NUDT3: variants seen among roughly 807,000 people sequenced by gnomAD.
NUDT3 encodes the protein diphosphoinositol polyphosphate phosphohydrolase 1.
NUDT3 carries 9 observed loss-of-function variants against 23.6 expected under a neutral mutation model. The ratio of observed to expected loss-of-function variants is 0.38; its 90% CI spans 0.23 to 0.66. NUDT3 has a LOEUF of 0.66. Ranked by LOEUF, NUDT3 falls within the 30% of genes least tolerant of loss-of-function variation. The pLI is 0.52. For missense variants in NUDT3, 172 were observed against 218.5 expected (o/e 0.79, Z 1.34); for synonymous variants, 86 against 82.6 (o/e 1.04, Z -0.22).
In NUDT3 at chr6:34,326,953, T is replaced by TACGA. The variant is rs1764043318; in HGVS notation, c.210+14905_210+14908dup. 2.0e-5 allele frequency among the ~76,000 whole-genome samples: 3 copies of TACGA among 151,702 alleles called. No homozygotes were observed. The South Asian group carries it at 6.3e-4, about 32-fold the overall frequency. Reference sequence around the variant, plus strand: ...GTGTGTGGAGACGAGAGAGAGATCGTACGAAATAAAGACACAGGACAAAGA... The same window carrying TACGA: ...GTGTGTGGAGACGAGAGAGAGATCGTACGAACGAAATAAAGACACAGGACAAAGA... On this transcript the variant is annotated intron_variant, in intron 2 of 4. Coordinates refer to ENST00000607016, the MANE Select transcript of NUDT3 (RefSeq NM_006703.4).
Position 34,283,851 on chromosome 6 carries a change from A to G in NUDT3, c.*4902T>C, listed in dbSNP as rs1430098474. 1 of 152,160 alleles carries G rather than the reference A, an allele frequency of 6.6e-6. No homozygotes were observed. Among genetic ancestry groups the G allele is most frequent in the African/African-American group, 2.4e-5 (1 of 41,428 alleles). 9.4% of individuals were successfully genotyped at this position (152,160 alleles called of 1,614,324 possible). ...ATTTACTTTTTTTTTATACCTTAAA[A>G]TATCAAATGTTTCATTTTTAGGTGA... On this transcript the variant is annotated 3_prime_UTR_variant, in exon 5 of 5. Transcript: ENST00000607016.
At chr6:34,364,967 G>A (rs1304200332) in intron 1 of NUDT3, among the ~76,000 whole-genome samples, 1 of 152,148 alleles carries the variant, frequency 6.6e-6, no homozygotes, top group Non-Finnish European at 1.5e-5. Context: ...CTTGCAGTGA[G>A]CTAAGATCAT....
intron 2 of NUDT3, among the ~76,000 whole-genome samples, chr6:34,333,754 G>T (rs1446556210): frequency 6.6e-6 from 1 of 152,214 alleles, no homozygotes; most frequent in Non-Finnish European, 1.5e-5. Flanking sequence ...ACAGCTAAGA[G>T]AATTAAAAAT....
intron 1 of NUDT3, among the ~76,000 whole-genome samples, chr6:34,364,313 A>T (rs1483016626): frequency 6.6e-6 from 1 of 152,214 alleles, no homozygotes; most frequent in Non-Finnish European, 1.5e-5. Context: ...AAACTTACTA[A>T]GGTTTTGTCC....
intron 1 of NUDT3, among the ~76,000 whole-genome samples, chr6:34,354,228 C>T (rs1475164483): frequency 1.3e-5 from 2 of 151,806 alleles, no homozygotes; most frequent in African/African-American, 2.4e-5. Context: ...CCAGGCTAGT[C>T]TAGAACTCCT....
At chr6:34,302,195 CTT>C (rs759027677) in intron 2 of NUDT3, among the ~76,000 whole-genome samples, 7 of 141,064 alleles carry the variant, frequency 5.0e-5, no homozygotes, top group Admixed American at 7.1e-5. Flanking sequence ...TCACAACTGG[CTT>C]TTTTTTTTTT....
At chr6:34,363,900 G>A (rs925357600) in intron 1 of NUDT3, among the ~76,000 whole-genome samples, 6 of 151,946 alleles carry the variant, frequency 3.9e-5, no homozygotes, top group Non-Finnish European at 7.4e-5. Context: ...AGCCTCCCAA[G>A]TAGCTGGGAT....
chr6:34,322,069 G>A (rs1239701329), intron 2 of NUDT3, among the ~76,000 whole-genome samples: 1 of 152,168 alleles, frequency 6.6e-6, no homozygotes, highest in East Asian at 1.9e-4. Context: ...GAACAACGAA[G>A]ATATAGAACT....
intron 2 of NUDT3, among the ~76,000 whole-genome samples, chr6:34,326,167 A>T (rs1171050132): frequency 6.6e-6 from 1 of 152,254 alleles, no homozygotes; most frequent in Non-Finnish European, 1.5e-5. Context: ...GCTTTTAAAC[A>T]AACGGGAGCA....
At chr6:34,381,959 G>A (rs1036814486) in intron 1 of NUDT3, among the ~76,000 whole-genome samples, 1 of 149,992 alleles carries the variant, frequency 6.7e-6, no homozygotes. Flanking sequence ...TGTAACCCCA[G>A]CTACTCGGGA....
At chr6:34,383,934 G>T (rs919419322) in intron 1 of NUDT3, among the ~76,000 whole-genome samples, 6 of 152,130 alleles carry the variant, frequency 3.9e-5, no homozygotes, top group Non-Finnish European at 7.4e-5. Flanking sequence ...GTCATGACGG[G>T]ATCAATGAAC....
At chr6:34,323,156 G>C (rs1332666543) in intron 2 of NUDT3, among the ~76,000 whole-genome samples, 1 of 152,058 alleles carries the variant, frequency 6.6e-6, no homozygotes, top group African/African-American at 2.4e-5. Context: ...TGCTATTTGG[G>C]TGACAGGGTC....
At chr6:34,336,647 A>G (rs1275289377) in intron 2 of NUDT3, among the ~76,000 whole-genome samples, 1 of 150,936 alleles carries the variant, frequency 6.6e-6, no homozygotes, top group African/African-American at 2.4e-5. Context: ...GTCCAGACCA[A>G]TGTCCTAAAG....
Position 34,283,596 on chromosome 6 carries a change from C to T in NUDT3, c.*5157G>A, listed in dbSNP as rs1019580211. The T allele has an allele frequency of 6.6e-6, 1 of 152,190 alleles. No individual in the cohort carries two copies. The highest frequency in any genetic ancestry group is 1.5e-5 in the Non-Finnish European group (1 of 68,040). 9.4% of individuals were successfully genotyped at this position (152,190 alleles called of 1,614,324 possible). ...CATTTTCTCAGATGCTCCAACTAGG[C>T]TTCTCACATCCCTCAAAGGTTATCA... On this transcript the variant is annotated 3_prime_UTR_variant, in exon 5 of 5. Transcript: ENST00000607016.
intron 1 of NUDT3, among the ~76,000 whole-genome samples, chr6:34,383,768 T>G (rs760376653): frequency 6.6e-6 from 1 of 152,076 alleles, no homozygotes; most frequent in Non-Finnish European, 1.5e-5. Flanking sequence ...GAATGGAGAC[T>G]GCAGTATGAA....
At chr6:34,297,803 G>A (rs1763538292) in intron 2 of NUDT3, among the ~76,000 whole-genome samples, 2 of 131,208 alleles carry the variant, frequency 1.5e-5, no homozygotes, top group African/African-American at 5.8e-5. Flanking sequence ...CATCATATTG[G>A]CCAGGCTGGT....
At chr6:34,312,630 T>C (rs1763791522) in intron 2 of NUDT3, among the ~76,000 whole-genome samples, 1 of 152,134 alleles carries the variant, frequency 6.6e-6, no homozygotes, top group African/African-American at 2.4e-5. Flanking sequence ...TGCAAAAACT[T>C]GCATATCAAT....
chr6:34,389,563 C>T (rs904924198), intron 1 of NUDT3, among the ~76,000 whole-genome samples: 13 of 151,866 alleles, frequency 8.6e-5, no homozygotes, highest in Non-Finnish European at 1.3e-4. Flanking sequence ...GAGGCTGAGA[C>T]GGGAGGATTG....
intron 1 of NUDT3, among the ~76,000 whole-genome samples, chr6:34,373,698 G>A (rs574370415): frequency 1.3e-5 from 2 of 152,226 alleles, no homozygotes; most frequent in Non-Finnish European, 1.5e-5. Context: ...CAACACACAC[G>A]CACTGGTGCT....
Sources: gnomAD v4.1 joint callset for allele counts (sites outside exome capture counted in the v4.1 genomes callset) on GRCh38, gnomAD v4.1.1 for gene constraint, MANE v1.5 for transcripts, NCBI Gene and HGNC (gene_info 2026-07-23, HGNC 2026-07-21) for gene names.